The following DYTN variants were observed in gnomAD, a reference collection of about 807,000 sequenced individuals.
The protein encoded by DYTN is dystrotelin.
In DYTN, 75 loss-of-function variants were observed where a neutral mutation model predicts 69.6. The observed-to-expected ratio is 1.08, with a 90% CI of 0.89 to 1.31. The LOEUF (loss-of-function observed/expected upper bound fraction) is 1.31. Among genes scored for constraint, DYTN ranks in the 50% most tolerant of loss-of-function variants. The pLI is 0.00. For missense variants in DYTN, 726 were observed against 688.4 expected (o/e 1.05, Z -0.61); for synonymous variants, 252 against 249.1 (o/e 1.01, Z -0.11).
chr2:206,700,015 C>A, intron 6 of DYTN, 125 bp from the exon 7 acceptor site: 3 of 1,518,826 alleles, frequency 2.0e-6, no homozygotes, highest in Non-Finnish European at 2.7e-6. Context: ...GGAGGTGAGA[C>A]TACCTCCTAA....
chr2:206,703,042 T>C (rs1699990878), intron 5 of DYTN, among the ~76,000 whole-genome samples: 1 of 152,144 alleles, frequency 6.6e-6, no homozygotes, highest in Non-Finnish European at 1.5e-5. Flanking sequence ...GATGATAATT[T>C]CTATGCAAAT....
At chr2:206,665,286 A>G (rs1699557661) in intron 10 of DYTN, among the ~76,000 whole-genome samples, 1 of 152,142 alleles carries the variant, frequency 6.6e-6, no homozygotes. Flanking sequence ...ATTGTTTAAA[A>G]ATGTTATCTG....
At position 206,675,115 on chromosome 2, in the gene DYTN, ATG is replaced by A. The variant is rs757679127; in HGVS notation, c.981-9088_981-9087del. ...TGGAGGGGAAAAAACATATATATAT[ATG>A]TGTGTGTGTGTGTGTGTGTGTGTGT... On this transcript the variant is annotated intron_variant, in intron 9 of 11. Transcript: ENST00000452335. 7.6e-3 allele frequency among the ~76,000 whole-genome samples: 1,004 copies of A among 131,496 alleles called. 12 individuals are homozygous for A. The highest frequency in any genetic ancestry group is 0.023 in the African/African-American group (787 of 34,654). 86.3% of individuals were successfully genotyped at this position (131,496 alleles called of 152,430 possible).
At chr2:206,664,056 C>T (rs1418740619) in intron 10 of DYTN, among the ~76,000 whole-genome samples, 2 of 150,994 alleles carry the variant, frequency 1.3e-5, no homozygotes, top group East Asian at 3.9e-4. Flanking sequence ...ATTCTTCACC[C>T]TCATACACTA....
intron 11 of DYTN, among the ~76,000 whole-genome samples, chr2:206,661,743 C>T (rs987586509): frequency 1.3e-5 from 2 of 152,142 alleles, no homozygotes; most frequent in East Asian, 1.9e-4. Flanking sequence ...ATTGGTAAGG[C>T]TTCCAGTCAA....
intron 3 of DYTN, 21 bp downstream of exon 3, chr2:206,707,280 AG>A: frequency 1.2e-6 from 2 of 1,604,078 alleles, no homozygotes; most frequent in Non-Finnish European, 1.7e-6. Context: ...TTGAGGTCAC[AG>A]CGCGACGTCC....
chr2:206,701,006 T>C (rs1699971264), intron 5 of DYTN: 3 of 152,268 alleles, frequency 2.0e-5, no homozygotes, highest in African/African-American at 7.2e-5. Flanking sequence ...TTATCTAGTC[T>C]ATCACTGATG....
At chr2:206,680,654 A>G in intron 9 of DYTN, among the ~76,000 whole-genome samples, 1 of 152,112 alleles carries the variant, frequency 6.6e-6, no homozygotes, top group East Asian at 1.9e-4. Flanking sequence ...ACGAAGGGGC[A>G]CTTAGGTTGT....
chr2:206,706,920 T>C (rs1303260663), intron 3 of DYTN, among the ~76,000 whole-genome samples: 1 of 144,866 alleles, frequency 6.9e-6, no homozygotes, highest in African/African-American at 2.6e-5. Context: ...AAAAAAACAA[T>C]TGATAATGGT....
rs1160287252 is a variant in DYTN, at chr2:206,707,310, C to T, written c.288G>A (p.Met96Ile). 10 of 1,611,658 alleles carry T rather than the reference C, an allele frequency of 6.2e-6. No individual in the cohort carries two copies. Among genetic ancestry groups the T allele is most frequent in the Non-Finnish European group, 8.5e-6 (10 of 1,179,110 alleles). The change falls in exon 3 of 12, where the codon ATG (methionine) becomes ATA (isoleucine). Residue 96 changes from methionine (M) to isoleucine (I), a missense_variant. Met to Ile is a conservative substitution (Grantham distance 10). Transcript: ENST00000452335. ...GACGTCCACACCCTCACCTGTTGTA[C>T]ATTGTCGTGAGAAGGCTCAGAGTGA... is the stretch of plus-strand genomic sequence containing the variant. ...PELTLSLLTT[M>I]YNSKGTGFLQ...
chr2:206,698,591 T>G (rs539451982), intron 7 of DYTN, among the ~76,000 whole-genome samples: 5 of 152,336 alleles, frequency 3.3e-5, no homozygotes, highest in African/African-American at 1.2e-4. Context: ...GCTTCTTCCA[T>G]GCCTGGCCTA....
chr2:206,659,454 A>G (rs1389410125), intron 11 of DYTN, among the ~76,000 whole-genome samples: 4 of 138,626 alleles, frequency 2.9e-5, no homozygotes, highest in Admixed American at 7.8e-5. Context: ...GATTACAGGC[A>G]TGAGCCACCA....
chr2:206,654,147 T>G (rs915918280), intron 11 of DYTN, among the ~76,000 whole-genome samples: 1 of 152,214 alleles, frequency 6.6e-6, no homozygotes, highest in African/African-American at 2.4e-5. Flanking sequence ...ATGCTGGAAA[T>G]ATATCTTTTC....
intron 5 of DYTN, among the ~76,000 whole-genome samples, chr2:206,702,709 A>G (rs1699987113): frequency 6.6e-6 from 1 of 152,108 alleles, no homozygotes; most frequent in Non-Finnish European, 1.5e-5. Context: ...TTTGTAAAAT[A>G]AGGTGGGTGG....
chr2:206,710,127 G>A (rs1367686411), intron 2 of DYTN, among the ~76,000 whole-genome samples: 2 of 152,082 alleles, frequency 1.3e-5, no homozygotes, highest in South Asian at 2.1e-4. Context: ...CAAATCTTAC[G>A]TGGTAGATGG....
chr2:206,696,376 G>A (rs1699920020), intron 7 of DYTN, among the ~76,000 whole-genome samples: 1 of 152,154 alleles, frequency 6.6e-6, no homozygotes, highest in South Asian at 2.1e-4. Flanking sequence ...TTTAGAGGAG[G>A]AGCAGGAGAA....
At chr2:206,655,324 T>C (rs1161104377) in intron 11 of DYTN, among the ~76,000 whole-genome samples, 4 of 151,622 alleles carry the variant, frequency 2.6e-5, no homozygotes, top group Non-Finnish European at 5.9e-5. Flanking sequence ...TAGTTCACTG[T>C]AACTTTGAAC....
intron 2 of DYTN, 106 bp from the exon 3 acceptor site, chr2:206,707,609 C>G: frequency 8.7e-7 from 1 of 1,145,936 alleles, no homozygotes; most frequent in Non-Finnish European, 1.2e-6. Context: ...TTTTTATGGT[C>G]GCTATTTTCT....
At chr2:206,712,879 C>G (rs1365327801) in intron 1 of DYTN, among the ~76,000 whole-genome samples, 23 of 152,188 alleles carry the variant, frequency 1.5e-4, no homozygotes, top group Admixed American at 1.5e-3. Context: ...AATCTGGGTT[C>G]AAGGACTCTT....
Sources: gnomAD v4.1 joint callset for allele counts (sites outside exome capture counted in the v4.1 genomes callset) on GRCh38, gnomAD v4.1.1 for gene constraint, MANE v1.5 for transcripts, NCBI Gene and HGNC (gene_info 2026-07-23, HGNC 2026-07-21) for gene names.